GPC5: variants seen among roughly 807,000 people sequenced by gnomAD.
GPC5 encodes the protein glypican 5.
In GPC5, 47 loss-of-function variants were observed where a neutral mutation model predicts 53.9. The observed-to-expected ratio is 0.87, with a 90% confidence interval of 0.69 to 1.11. The LOEUF (loss-of-function observed/expected upper bound fraction) is 1.11. GPC5 is among the 50% of genes most tolerant of loss of function. The pLI is 0.00. For synonymous variants in GPC5, 286 were observed against 263.3 expected (o/e 1.09, Z -0.84); for missense variants, 748 against 713.1 (o/e 1.05, Z -0.56).
intron 7 of GPC5, among the ~76,000 whole-genome samples, chr13:92,166,471 A>C (rs915968192): frequency 6.6e-6 from 1 of 152,190 alleles, no homozygotes; most frequent in Non-Finnish European, 1.5e-5. Flanking sequence ...TCTGGGTATA[A>C]TTGATATTGC....
At chr13:92,556,201 G>T (rs1212351333) in intron 7 of GPC5, among the ~76,000 whole-genome samples, 2 of 151,738 alleles carry the variant, frequency 1.3e-5, no homozygotes, top group Non-Finnish European at 2.9e-5. Context: ...CAGGAAGATT[G>T]TAATGAATCT....
At chr13:91,680,074 A>G (rs2035472162) in intron 2 of GPC5, among the ~76,000 whole-genome samples, 1 of 152,232 alleles carries the variant, frequency 6.6e-6, no homozygotes, top group African/African-American at 2.4e-5. Context: ...GCTGGTAGCA[A>G]TTATATTTGA....
At chr13:92,716,610 T>C (rs745338646) in intron 7 of GPC5, among the ~76,000 whole-genome samples, 16 of 152,276 alleles carry the variant, frequency 1.1e-4, no homozygotes, top group South Asian at 2.1e-4. Context: ...TCTGGCACAA[T>C]GTATGTCTAC....
At chr13:92,836,388 C>T (rs1878220037) in intron 7 of GPC5, among the ~76,000 whole-genome samples, 9 of 151,882 alleles carry the variant, frequency 5.9e-5, no homozygotes. Context: ...TCAATTGTTC[C>T]AGAACCAGTC....
rs1184096907 is a variant in GPC5, at chr13:92,559,318, T to A, written c.1562-306964T>A. 2.1e-5 allele frequency among the ~76,000 whole-genome samples: 3 copies of A among 142,680 alleles called. No individual in the cohort carries two copies. The East Asian group carries it at 6.3e-4, about 30-fold the overall frequency. 93.6% of individuals were successfully genotyped at this position (142,680 alleles called of 152,430 possible). On this transcript the variant is annotated intron_variant, in intron 7 of 7. Coordinates refer to ENST00000377067, the MANE Select transcript of GPC5 (RefSeq NM_004466.6). ...ACCCTGACTTCCTTCAGATGCTCTTTGTAGTGTGTATATGTGTGTGTGTGT... is the reference window on the plus strand; with the variant it reads ...ACCCTGACTTCCTTCAGATGCTCTTAGTAGTGTGTATATGTGTGTGTGTGT...
At chr13:92,072,110 G>C (rs1036412418) in intron 6 of GPC5, among the ~76,000 whole-genome samples, 18 of 144,028 alleles carry the variant, frequency 1.2e-4, no homozygotes, top group African/African-American at 4.3e-4. Flanking sequence ...TCATTTTATT[G>C]AATGAATGAT....
intron 7 of GPC5, among the ~76,000 whole-genome samples, chr13:92,259,275 G>A (rs1173552288): frequency 6.6e-6 from 1 of 152,058 alleles, no homozygotes; most frequent in Non-Finnish European, 1.5e-5. Flanking sequence ...ATTCAGTTTT[G>A]TTCTCCCTTC....
chr13:92,488,890 G>C (rs1437390306), intron 7 of GPC5, among the ~76,000 whole-genome samples: 2 of 152,146 alleles, frequency 1.3e-5, no homozygotes, highest in Non-Finnish European at 2.9e-5. Context: ...TTAAAGGCTT[G>C]ACAATAAAGG....
intron 6 of GPC5, among the ~76,000 whole-genome samples, chr13:92,015,030 C>A (rs1566394790): frequency 6.6e-6 from 1 of 152,016 alleles, no homozygotes; most frequent in Non-Finnish European, 1.5e-5. Context: ...CACCTTGGAG[C>A]CCCTGAGATG....
intron 7 of GPC5, among the ~76,000 whole-genome samples, chr13:92,828,214 G>C (rs1276392906): frequency 6.6e-6 from 1 of 151,966 alleles, no homozygotes; most frequent in East Asian, 1.9e-4. Context: ...AGACGACTAC[G>C]TAGATTACAC....
At chr13:92,562,305 C>T (rs1227391008) in intron 7 of GPC5, among the ~76,000 whole-genome samples, 1 of 152,028 alleles carries the variant, frequency 6.6e-6, no homozygotes, top group Admixed American at 6.6e-5. Context: ...TCTCTCAATA[C>T]GTCGGCTCTT....
intron 7 of GPC5, among the ~76,000 whole-genome samples, chr13:92,567,158 T>C (rs1882887535): frequency 1.3e-5 from 2 of 152,136 alleles, no homozygotes; most frequent in Non-Finnish European, 2.9e-5. Context: ...TTAAAGGCCA[T>C]GTTCCCAGTG....
At chr13:91,979,047 TGA>T (rs1257630913) in intron 6 of GPC5, among the ~76,000 whole-genome samples, 1 of 152,154 alleles carries the variant, frequency 6.6e-6, no homozygotes, top group Non-Finnish European at 1.5e-5. Context: ...AGGGATAGAA[TGA>T]GAGAGGAATA....
At chr13:92,161,857 A>G (rs1476380404) in intron 7 of GPC5, among the ~76,000 whole-genome samples, 2 of 149,484 alleles carry the variant, frequency 1.3e-5, no homozygotes, top group African/African-American at 4.9e-5. Flanking sequence ...GTTTTTATTG[A>G]TTATGTTTGA....
chr13:91,599,917 A>C (rs548863358), intron 2 of GPC5, among the ~76,000 whole-genome samples: 3 of 152,180 alleles, frequency 2.0e-5, no homozygotes, highest in African/African-American at 7.2e-5. Flanking sequence ...GCATGTATAC[A>C]TAGTTAAGAG....
intron 2 of GPC5, among the ~76,000 whole-genome samples, chr13:91,687,342 C>T (rs2035644869): frequency 6.6e-6 from 1 of 151,868 alleles, no homozygotes; most frequent in African/African-American, 2.4e-5. Context: ...TTATTTGTGT[C>T]AGTAATCATT....
chr13:92,565,363 A>G (rs1214963746), intron 7 of GPC5, among the ~76,000 whole-genome samples: 2 of 152,006 alleles, frequency 1.3e-5, no homozygotes, highest in African/African-American at 4.8e-5. Context: ...TATAAGTTCT[A>G]TCTTTTTAAA....
rs549757709 is a variant in GPC5 at position 91,410,938 on chromosome 13, G to A, written c.163+11729G>A. On this transcript the variant is annotated intron_variant, in intron 1 of 7. Transcript: ENST00000377067. ...ATCCTGGCCAACATGGTGAAACCCC[G>A]TCTCTACCAAAAATACAAAAATTAG... Among the ~76,000 whole-genome samples the A allele has an allele frequency of 3.9e-3, 591 of 152,022 alleles. 1 individual carries two copies. The highest frequency in any genetic ancestry group is 6.0e-3 in the South Asian group (29 of 4,804).
intron 7 of GPC5, among the ~76,000 whole-genome samples, chr13:92,260,894 A>T (rs534658069): frequency 6.6e-6 from 1 of 152,290 alleles, no homozygotes; most frequent in South Asian, 2.1e-4. Context: ...TTTAGTTTGC[A>T]TGAAAAGCTA....
Sources: gnomAD v4.1 joint callset for allele counts (sites outside exome capture counted in the v4.1 genomes callset) on GRCh38, gnomAD v4.1.1 for gene constraint, MANE v1.5 for transcripts, NCBI Gene and HGNC (gene_info 2026-07-23, HGNC 2026-07-21) for gene names.